GALNT7: variants seen among roughly 807,000 people sequenced by gnomAD.
GALNT7 encodes N-acetylgalactosaminyltransferase 7.
Under a neutral mutation model 82.1 loss-of-function variants are expected in GALNT7, and 60 were observed. The observed-to-expected ratio is 0.73, with a 90% confidence interval of 0.59 to 0.91. The LOEUF is 0.91. Among genes scored for constraint, GALNT7 ranks in the 40% least tolerant of loss-of-function variants. The pLI, the probability that GALNT7 is intolerant of heterozygous loss-of-function variation, is 0.00. For synonymous variants in GALNT7, 243 were observed against 275.1 expected, an observed-to-expected ratio of 0.88 and a Z score of 1.15; for missense variants, 660 against 804.2, an observed-to-expected ratio of 0.82 and a Z score of 2.17.
chr4:173,175,749 A>G (rs1732017471), intron 1 of GALNT7, among the ~76,000 whole-genome samples: 1 of 152,162 alleles, frequency 6.6e-6, no homozygotes, highest in African/African-American at 2.4e-5. Flanking sequence ...ACCCCTTGTA[A>G]GTCGAGGAAC....
intron 1 of GALNT7, among the ~76,000 whole-genome samples, chr4:173,191,119 C>T (rs1444475534): frequency 6.6e-6 from 1 of 151,660 alleles, no homozygotes; most frequent in Non-Finnish European, 1.5e-5. Context: ...CCAAGAAGAA[C>T]TAGCACCAAT....
chr4:173,252,106 C>T (rs1332145526), intron 2 of GALNT7, among the ~76,000 whole-genome samples: 1 of 152,244 alleles, frequency 6.6e-6, no homozygotes. Context: ...AATAACCAAC[C>T]ATGAATAAAA....
At chr4:173,237,058 T>C (rs1275493149) in intron 1 of GALNT7, among the ~76,000 whole-genome samples, 1 of 152,188 alleles carries the variant, frequency 6.6e-6, no homozygotes, top group Non-Finnish European at 1.5e-5. Context: ...TCTGACTGTA[T>C]TTTTCTGTCT....
chr4:173,184,562 C>CAGAGGGATCAGA (rs1732406526), intron 1 of GALNT7, among the ~76,000 whole-genome samples: 1 of 137,428 alleles, frequency 7.3e-6, no homozygotes, highest in Non-Finnish European at 1.6e-5. Flanking sequence ...AGTCCAGCCT[C>CAGAGGGATCAGA]GGCTCGGCAT....
chr4:173,216,283 ACCAT>A, intron 1 of GALNT7, among the ~76,000 whole-genome samples: 1 of 152,342 alleles, frequency 6.6e-6, no homozygotes, highest in African/African-American at 2.4e-5. Flanking sequence ...GTAAACTTAA[ACCAT>A]CCAAATAATC....
At position 173,259,175 on chromosome 4, in the gene GALNT7, G is replaced by A. The variant is rs190625482; in HGVS notation, c.587+10735G>A. On this transcript the variant is annotated intron_variant, in intron 2 of 11. Transcript: ENST00000265000. Reference sequence around the variant, plus strand: ...GGGGTTAATTGAGGTAATGTTATGGGAGGAGGGTGTGACACAATGAAAATA... The same window carrying A: ...GGGGTTAATTGAGGTAATGTTATGGAAGGAGGGTGTGACACAATGAAAATA... Among the ~76,000 whole-genome samples the A allele has an allele frequency of 3.8e-3, 576 of 152,332 alleles. 3 individuals carry two copies. Among genetic ancestry groups the A allele is most frequent in the Middle Eastern group, 0.017 (5 of 294 alleles).
chr4:173,250,593 G>T (rs1462912916), intron 2 of GALNT7, among the ~76,000 whole-genome samples: 3 of 152,132 alleles, frequency 2.0e-5, no homozygotes, highest in Non-Finnish European at 4.4e-5. Context: ...TCCTGCAGAA[G>T]TCTCGTTACT....
chr4:173,265,913 T>C (rs1735472288), intron 2 of GALNT7, among the ~76,000 whole-genome samples: 1 of 152,036 alleles, frequency 6.6e-6, no homozygotes, highest in Non-Finnish European at 1.5e-5. Flanking sequence ...TTAAAGGGAA[T>C]GGCTTGGACG....
rs1733392663 is a variant in GALNT7 at position 173,214,935 on chromosome 4, A to G, written c.127-33045A>G. 2.6e-5 allele frequency among the ~76,000 whole-genome samples: 4 copies of G among 152,198 alleles called. No individual in the cohort carries two copies. The South Asian group carries it at 8.3e-4, about 31-fold the overall frequency. ...TCTAGCCTACGGTCGTGCTTCAGGA[A>G]TACACTGACTGCCTTGGTGATGGCC... On this transcript the variant is annotated intron_variant, in intron 1 of 11. Transcript: ENST00000265000.
chr4:173,310,578 T>C (rs1013043052), intron 8 of GALNT7, among the ~76,000 whole-genome samples: 1 of 152,168 alleles, frequency 6.6e-6, no homozygotes, highest in African/African-American at 2.4e-5. Context: ...AAATTCAAAG[T>C]TCTTTTAAAA....
At chr4:173,206,304 TC>T (rs1245942957) in intron 1 of GALNT7, among the ~76,000 whole-genome samples, 1 of 152,230 alleles carries the variant, frequency 6.6e-6, no homozygotes, top group Non-Finnish European at 1.5e-5. Flanking sequence ...AAACTGTCCT[TC>T]CTACCTTCTT....
chr4:173,284,758 G>A (rs1192724497), intron 2 of GALNT7, among the ~76,000 whole-genome samples: 1 of 150,806 alleles, frequency 6.6e-6, no homozygotes, highest in Non-Finnish European at 1.5e-5. Context: ...CTTTTCATTA[G>A]CCCTTATTAC....
intron 8 of GALNT7, among the ~76,000 whole-genome samples, chr4:173,304,992 A>T (rs775234672): frequency 6.6e-6 from 1 of 152,154 alleles, no homozygotes; most frequent in Admixed American, 6.6e-5. Context: ...AGGAGTGTAG[A>T]TACCTCTTCG....
Position 173,292,061 on chromosome 4 carries a change from A to G in GALNT7, c.588-47A>G, listed in dbSNP as rs750585106. 7.8e-7 allele frequency: 1 copy of G among 1,275,672 alleles called. No homozygotes were observed. Among genetic ancestry groups the G allele is most frequent in the Non-Finnish European group, 1.1e-6 (1 of 882,514 alleles). The allele number at this position is 1,275,672 out of a possible 1,614,324, so 79.0% of individuals were successfully genotyped here. A position where few individuals can be genotyped will look rare whatever the true frequency, so the allele number is the denominator to read the frequency against. On this transcript the variant is annotated intron_variant, in intron 2 of 11. Transcript: ENST00000265000. This position sits in a 1 kb window ranked among gnomAD's most constrained non-coding sequence, Gnocchi z 4.8. ...AAATATAGTCAGCTTGGAGCCAAGC[A>G]GTATAGATTACCTGTAAATAAATAT...
chr4:173,305,580 T>C (rs1737125020), intron 8 of GALNT7, among the ~76,000 whole-genome samples: 1 of 152,216 alleles, frequency 6.6e-6, no homozygotes, highest in Non-Finnish European at 1.5e-5. Context: ...TTGATTTTTA[T>C]ATATGGTGTG....
intron 9 of GALNT7, chr4:173,316,650 T>TA (rs1331793736): frequency 3.9e-5 from 6 of 152,214 alleles, no homozygotes; most frequent in African/African-American, 1.4e-4. Flanking sequence ...ATTGAATAAA[T>TA]ACATGAATGA....
chr4:173,203,983 A>G (rs1733018695), intron 1 of GALNT7, among the ~76,000 whole-genome samples: 1 of 152,182 alleles, frequency 6.6e-6, no homozygotes, highest in Non-Finnish European at 1.5e-5. Context: ...TTTCAGCTTG[A>G]AGAACTCCCT....
intron 9 of GALNT7, chr4:173,317,135 A>G (rs1580019988): frequency 6.6e-6 from 1 of 152,292 alleles, no homozygotes; most frequent in African/African-American, 2.4e-5. Flanking sequence ...CTTTTCATCT[A>G]CGTTTATAGA....
intron 1 of GALNT7, among the ~76,000 whole-genome samples, chr4:173,217,564 C>G (rs1461357380): frequency 6.6e-6 from 1 of 152,090 alleles, no homozygotes; most frequent in East Asian, 1.9e-4. Flanking sequence ...CCAAAATTAC[C>G]TTCCATAGCT....
Sources: allele counts gnomAD v4.1 joint callset (sites outside exome capture counted in the v4.1 genomes callset), GRCh38; gene constraint gnomAD v4.1.1; non-coding constraint Gnocchi (gnomAD v3.1); transcripts MANE v1.5; gene names NCBI Gene and HGNC (gene_info 2026-07-23, HGNC 2026-07-21).